The following KCNIP4 variants were observed in gnomAD, a reference collection of about 807,000 sequenced individuals.
The protein encoded by KCNIP4 is Kv channel-interacting protein 4.
KCNIP4 carries 12 observed loss-of-function variants against 34.0 expected under a neutral mutation model. The observed-to-expected ratio is 0.35, with a 90% CI of 0.23 to 0.57. The LOEUF (loss-of-function observed/expected upper bound fraction) is 0.57, where lower values mean the gene tolerates loss of function less well. Ranked by LOEUF, KCNIP4 falls within the 20% of genes least tolerant of loss-of-function variation. The pLI is 0.83. For missense variants in KCNIP4, 238 were observed against 311.7 expected, an observed-to-expected ratio of 0.76 and a Z score of 1.78; for synonymous variants, 124 against 102.2, an observed-to-expected ratio of 1.21 and a Z score of -1.29.
chr4:21,559,192 A>G (rs527792075), intron 1 of KCNIP4, among the ~76,000 whole-genome samples: 18 of 152,268 alleles, frequency 1.2e-4, no homozygotes, highest in African/African-American at 4.1e-4. Flanking sequence ...CTAGACCAGT[A>G]AGTACCACAT....
rs5856578 is a variant in KCNIP4, at chr4:20,764,681, G to GACACACACACACACACAC, written c.289-5809_289-5792dup. On this transcript the variant is annotated intron_variant, in intron 3 of 8. Transcript: ENST00000382152. ...ACCGACTAGAATCACATGGGAATTG[G>GACACACACACACACACAC]ACACACACACACACACACACACACA... 8.8e-4 allele frequency among the ~76,000 whole-genome samples: 130 copies of GACACACACACACACACAC among 147,216 alleles called. 2 individuals carry two copies. The highest frequency in any genetic ancestry group is 2.2e-3 in the African/African-American group (87 of 39,504).
chr4:20,758,920 G>A (rs758702274), intron 3 of KCNIP4, 30 bp from the exon 4 acceptor site: 2 of 1,580,998 alleles, frequency 1.3e-6, no homozygotes, highest in Non-Finnish European at 1.7e-6. Flanking sequence ...AGCAATATGA[G>A]CAAAGTGTTC....
intron 3 of KCNIP4, among the ~76,000 whole-genome samples, chr4:20,812,603 A>T (rs1260988199): frequency 6.6e-6 from 1 of 152,200 alleles, no homozygotes; most frequent in Non-Finnish European, 1.5e-5. Flanking sequence ...ATTGATCTAA[A>T]CACGGCATAG....
intron 1 of KCNIP4, among the ~76,000 whole-genome samples, chr4:21,594,116 A>C (rs780829801): frequency 1.3e-5 from 2 of 152,160 alleles, no homozygotes; most frequent in Non-Finnish European, 2.9e-5. Flanking sequence ...AATTTCTTGT[A>C]ATTTAAAATA....
chr4:21,257,741 C>T (rs1761161834), intron 1 of KCNIP4, among the ~76,000 whole-genome samples: 3 of 141,762 alleles, frequency 2.1e-5, no homozygotes, highest in South Asian at 4.7e-4. Context: ...CACAGCAAGA[C>T]TCAGTCTCAA....
intron 1 of KCNIP4, among the ~76,000 whole-genome samples, chr4:21,592,727 C>T (rs1003225667): frequency 6.6e-6 from 1 of 152,058 alleles, no homozygotes; most frequent in East Asian, 1.9e-4. Flanking sequence ...TCTAGCAAGA[C>T]AAATATGCAG....
intron 1 of KCNIP4, among the ~76,000 whole-genome samples, chr4:21,445,195 C>G (rs1245663854): frequency 6.6e-6 from 1 of 152,178 alleles, no homozygotes; most frequent in Admixed American, 6.5e-5. Flanking sequence ...AATGGCCATA[C>G]TGCCCAAGGT....
chr4:21,708,342 C>T (rs1713456463), intron 1 of KCNIP4, among the ~76,000 whole-genome samples: 1 of 152,076 alleles, frequency 6.6e-6, no homozygotes. Context: ...ATCAGAACCA[C>T]CTGGAATGCC....
chr4:21,754,056 C>T (rs1043669869), intron 1 of KCNIP4, among the ~76,000 whole-genome samples: 3 of 152,136 alleles, frequency 2.0e-5, no homozygotes, highest in Non-Finnish European at 4.4e-5. Flanking sequence ...TTAGGGAGCT[C>T]GAATTCTAGT....
At chr4:21,423,349 A>T (rs1725653263) in intron 1 of KCNIP4, among the ~76,000 whole-genome samples, 1 of 152,228 alleles carries the variant, frequency 6.6e-6, no homozygotes, top group Non-Finnish European at 1.5e-5. Flanking sequence ...TGCTACTAAC[A>T]TTGCAAGCGA....
intron 1 of KCNIP4, among the ~76,000 whole-genome samples, chr4:21,679,186 T>C (rs112603718): frequency 0.012 from 1,799 of 152,314 alleles, 36 homozygotes; most frequent in African/African-American, 0.036. Flanking sequence ...TTTATAGTGA[T>C]GGCCCCGTTA....
At chr4:21,481,660 T>C (rs1203669174) in intron 1 of KCNIP4, among the ~76,000 whole-genome samples, 1 of 152,172 alleles carries the variant, frequency 6.6e-6, no homozygotes, top group Non-Finnish European at 1.5e-5. Flanking sequence ...ACTGGTGGGC[T>C]TCTGGACTAA....
chr4:21,778,645 T>C (rs1719357528), intron 1 of KCNIP4, among the ~76,000 whole-genome samples: 1 of 152,232 alleles, frequency 6.6e-6, no homozygotes, highest in African/African-American at 2.4e-5. Flanking sequence ...ATATCATTTT[T>C]AGAGCAAAGG....
intron 1 of KCNIP4, among the ~76,000 whole-genome samples, chr4:21,711,032 T>C (rs907243410): frequency 6.6e-6 from 1 of 152,192 alleles, no homozygotes; most frequent in Non-Finnish European, 1.5e-5. Context: ...CTACCTATGG[T>C]TAAGTAATAA....
chr4:21,632,157 G>T (rs527513640), intron 1 of KCNIP4, among the ~76,000 whole-genome samples: 2 of 152,056 alleles, frequency 1.3e-5, no homozygotes, highest in East Asian at 3.9e-4. Flanking sequence ...CATGCTTTTT[G>T]ATGTTCAGCA....
At chr4:21,538,958 C>T (rs1448103433) in intron 1 of KCNIP4, among the ~76,000 whole-genome samples, 3 of 152,128 alleles carry the variant, frequency 2.0e-5, no homozygotes, top group African/African-American at 7.2e-5. Context: ...GTGACTGGAT[C>T]GTAGGAGTGG....
intron 1 of KCNIP4, among the ~76,000 whole-genome samples, chr4:20,969,020 TC>T (rs1734663021): frequency 6.6e-6 from 1 of 152,162 alleles, no homozygotes; most frequent in Non-Finnish European, 1.5e-5. Context: ...TACTACTAAG[TC>T]CCAGGAAATA....
chr4:20,954,604 G>A (rs1352143371), intron 1 of KCNIP4, among the ~76,000 whole-genome samples: 5 of 152,108 alleles, frequency 3.3e-5, no homozygotes, highest in South Asian at 2.1e-4. Context: ...TCTGCCAAGC[G>A]GGTCAGGCAG....
intron 1 of KCNIP4, among the ~76,000 whole-genome samples, chr4:21,261,576 T>G (rs1226666682): frequency 6.6e-6 from 1 of 152,186 alleles, no homozygotes; most frequent in East Asian, 1.9e-4. Flanking sequence ...TTATCCCAAT[T>G]TGACTTGTCT....
Sources: allele counts gnomAD v4.1 joint callset (sites outside exome capture counted in the v4.1 genomes callset), GRCh38; gene constraint gnomAD v4.1.1; transcripts MANE v1.5; gene names NCBI Gene and HGNC (gene_info 2026-07-23, HGNC 2026-07-21).